The following GLRX2 variants were observed in gnomAD, a reference collection of about 807,000 sequenced individuals.
GLRX2 encodes the protein bA101E13.1 (GRX2 glutaredoxin (thioltransferase) 2).
In GLRX2, 12 loss-of-function variants were observed where a neutral mutation model predicts 16.4. That is an observed-to-expected ratio of 0.73 (90% CI 0.47 to 1.19). The LOEUF is 1.19. Ranked by LOEUF, GLRX2 falls within the 50% of genes most tolerant of loss-of-function variation. The pLI is 0.00. For missense variants in GLRX2, 201 were observed against 201.8 expected (o/e 1.00, Z 0.02); for synonymous variants, 95 against 76.2 (o/e 1.25, Z -1.28).
At position 193,105,367 on chromosome 1, in the gene GLRX2, CG is replaced by C; in HGVS notation, c.15del (p.Ala6ArgfsTer47). 6.5e-7 allele frequency: 1 copy of C among 1,546,466 alleles called. No homozygotes were observed. Among genetic ancestry groups the C allele is most frequent in the Non-Finnish European group, 8.6e-7 (1 of 1,156,942 alleles). The stretch of plus-strand genomic sequence containing the variant: ...ACCAGCCGCGTCCCCGCCAGCGCCG[CG>C]CGGCGCCAAATCATGGTCAGAGCCC... MIWR[R>X]AALAGTRLVW... On this transcript the variant is annotated frameshift_variant, in exon 1 of 4. Coordinates refer to ENST00000367439, the MANE Select transcript of GLRX2 (RefSeq NM_197962.3). LOFTEE classifies it high-confidence loss of function.
chr1:193,101,582 T>C (rs1009771090), intron 1 of GLRX2, among the ~76,000 whole-genome samples: 1 of 152,210 alleles, frequency 6.6e-6, no homozygotes, highest in Non-Finnish European at 1.5e-5. Context: ...CAAAACTCTA[T>C]GAACACACTG....
chr1:193,102,359 G>A (rs1675096438), intron 1 of GLRX2, among the ~76,000 whole-genome samples: 1 of 151,946 alleles, frequency 6.6e-6, no homozygotes, highest in South Asian at 2.1e-4. Context: ...TGAAATATTA[G>A]TCTTCTTTTT....
upstream of GLRX2, chr1:193,105,567 A>G (rs1325340812): frequency 1.9e-6 from 3 of 1,604,234 alleles, no homozygotes; most frequent in South Asian, 1.1e-5. Context: ...GCTGGATTCC[A>G]GCGAGTGCCA....
At position 193,101,109 on chromosome 1, in the gene GLRX2, A is replaced by G. The variant is rs776144616; in HGVS notation, c.183+32T>C. 23 of 1,441,418 alleles carry G rather than the reference A, an allele frequency of 1.6e-5. No homozygotes were observed. In the East Asian group the frequency reaches 4.5e-4, roughly 28 times the overall value. 89.3% of individuals were successfully genotyped at this position (1,441,418 alleles called of 1,614,324 possible). A position where few individuals can be genotyped will look rare whatever the true frequency, so the allele number is the denominator to read the frequency against. The stretch of plus-strand genomic sequence containing the variant: ...AGGGACAATTCTTTTTCTACAGAGG[A>G]AAGTTTTTCAATCATCTCCCACATC... On this transcript the variant is annotated intron_variant, in intron 2 of 3. Coordinates refer to ENST00000367439, the MANE Select transcript of GLRX2 (RefSeq NM_197962.3).
intron 3 of GLRX2, 100 bp downstream of exon 3, chr1:193,097,482 CAG>C (rs1674983108): frequency 2.4e-6 from 2 of 841,760 alleles, no homozygotes; most frequent in Non-Finnish European, 3.5e-6. Context: ...TATCTATCCT[CAG>C]AGAATGTCTG....
intron 2 of GLRX2, 114 bp from the exon 3 acceptor site, chr1:193,097,874 T>A: frequency 1.7e-6 from 1 of 579,750 alleles, no homozygotes; most frequent in Non-Finnish European, 2.8e-6. Flanking sequence ...GGGCTCAAAC[T>A]AAGCATCATC....
At chr1:193,104,581 G>C (rs532608465) in intron 1 of GLRX2, among the ~76,000 whole-genome samples, 11 of 152,364 alleles carry the variant, frequency 7.2e-5, no homozygotes, top group African/African-American at 2.6e-4. Context: ...GTGCGCAGTG[G>C]CAGGCGCGGA....
chr1:193,103,370 G>C (rs1261244939), intron 1 of GLRX2, among the ~76,000 whole-genome samples: 3 of 152,182 alleles, frequency 2.0e-5, no homozygotes, highest in South Asian at 2.1e-4. Flanking sequence ...AACAGAAAAA[G>C]TGTTCCAACT....
At chr1:193,097,511 C>T in intron 3 of GLRX2, 73 bp downstream of exon 3, 3 of 1,173,994 alleles carry the variant, frequency 2.6e-6, no homozygotes, top group East Asian at 5.5e-5. Context: ...TTTCCTAACA[C>T]AAGGTTCTAG....
intron 1 of GLRX2, among the ~76,000 whole-genome samples, chr1:193,102,356 T>C (rs1332864998): frequency 1.3e-5 from 2 of 152,118 alleles, no homozygotes; most frequent in South Asian, 2.1e-4. Context: ...GCATGAAATA[T>C]TAGTCTTCTT....
Position 193,101,163 on chromosome 1 carries a change from G to A in GLRX2, c.161C>T (p.Thr54Met), listed in dbSNP as rs535022976. The A allele has an allele frequency of 1.7e-5, 28 of 1,611,108 alleles. No individual in the cohort carries two copies. Among genetic ancestry groups the A allele is most frequent in the East Asian group, 1.3e-4 (6 of 44,868 alleles). ...NTSSSLENLA[T>M]APVNQIQETI... ...CACTTGGATCTGGTTCACAGGCGCC[G>A]TCGCTAAATTCTCCAAAGATGATGA... is the stretch of plus-strand genomic sequence containing the variant. Residue 54 changes from threonine to methionine, a missense_variant, in exon 2 of 4, where the codon ACG becomes ATG. Physicochemically the swap from Thr to Met is moderately conservative, Grantham distance 81. Transcript: ENST00000367439.
At chr1:193,096,821 C>T in intron 3 of GLRX2, 62 bp from the exon 4 acceptor site, 8 of 1,274,996 alleles carry the variant, frequency 6.3e-6, no homozygotes, top group Non-Finnish European at 8.7e-6. Flanking sequence ...GATCATTTCA[C>T]ATAATAACGA....
intron 1 of GLRX2, among the ~76,000 whole-genome samples, chr1:193,103,431 A>G (rs908100024): frequency 1.3e-5 from 2 of 152,246 alleles, no homozygotes; most frequent in African/African-American, 4.8e-5. Flanking sequence ...AAGATTCAGC[A>G]AGGGATTCCT....
chr1:193,101,355 A>C, intron 1 of GLRX2, 151 bp from the exon 2 acceptor site: 1 of 613,272 alleles, frequency 1.6e-6, no homozygotes, highest in Non-Finnish European at 2.9e-6. Flanking sequence ...CAAAATGTCA[A>C]TATACAAAGT....
intron 3 of GLRX2, 86 bp from the exon 4 acceptor site, chr1:193,096,845 T>C: frequency 9.7e-7 from 1 of 1,033,020 alleles, no homozygotes; most frequent in Non-Finnish European, 1.4e-6. Flanking sequence ...ATTTGAACTC[T>C]GGGTACTTTT....
Position 193,096,587 on chromosome 1 carries a change from T to C in GLRX2, c.*38A>G. On this transcript the variant is annotated 3_prime_UTR_variant, in exon 4 of 4. Transcript: ENST00000367439. ...CATTATCGGGCATTACCACTTTAAA[T>C]AACTGACACTGTACTAGCAAACTTA... 1 of 1,273,524 alleles carries C rather than the reference T, an allele frequency of 7.9e-7. No individual in the cohort carries two copies. The highest frequency in any genetic ancestry group is 2.1e-5 in the Admixed American group (1 of 47,716). The allele number at this position is 1,273,524 out of a possible 1,614,324, so 78.9% of individuals were successfully genotyped here. A position where few individuals can be genotyped will look rare whatever the true frequency, so the allele number is the denominator to read the frequency against.
At position 193,105,214 on chromosome 1, in the gene GLRX2, CG is replaced by C. The variant is rs778104578; in HGVS notation, c.119+49del. ...CCGCCCACCGCTTTCTCCAGACCCC[CG>C]CAAGGCCTGCGCACCACGCCGCGGC... On this transcript the variant is annotated intron_variant, in intron 1 of 3. Transcript: ENST00000367439. The C allele has an allele frequency of 1.7e-5, 26 of 1,517,736 alleles. No homozygotes were observed. The Admixed American group carries it at 3.1e-4, about 18-fold the overall frequency. The allele number at this position is 1,517,736 out of a possible 1,614,324, so 94.0% of individuals were successfully genotyped here.
Position 193,096,593 on chromosome 1 carries a change from A to G in GLRX2, c.*32T>C, listed in dbSNP as rs774500615. 7.4e-7 allele frequency: 1 copy of G among 1,347,712 alleles called. No individual in the cohort carries two copies. Among genetic ancestry groups the G allele is most frequent in the South Asian group, 1.3e-5 (1 of 78,010 alleles). 83.5% of individuals were successfully genotyped at this position (1,347,712 alleles called of 1,614,324 possible). ...CGGGCATTACCACTTTAAATAACTG[A>G]CACTGTACTAGCAAACTTATTAGTA... On this transcript the variant is annotated 3_prime_UTR_variant, in exon 4 of 4. Transcript: ENST00000367439.
chr1:193,105,327 C>T lies in GLRX2; in HGVS notation c.56G>A (p.Gly19Asp). 1.9e-6 allele frequency: 3 copies of T among 1,546,132 alleles called. No homozygotes were observed. Among genetic ancestry groups the T allele is most frequent in the Non-Finnish European group, 8.7e-7 (1 of 1,155,902 alleles). ...AGTRLVWSRSGSAGWLDRAAG... is the reference protein window; with the variant it reads ...AGTRLVWSRSDSAGWLDRAAG... Reference sequence around the variant, plus strand: ...CGCCCTGTCAAGCCAGCCTGCCGAGCCGCTCCTGCTCCAAACCAGCCGCGT... The same window carrying T: ...CGCCCTGTCAAGCCAGCCTGCCGAGTCGCTCCTGCTCCAAACCAGCCGCGT... Residue 19 changes from glycine to aspartate, a missense_variant, in exon 1 of 4, where the codon GGC (glycine) becomes GAC (aspartate). Gly to Asp is a moderately conservative substitution (Grantham distance 94). Coordinates refer to ENST00000367439, the MANE Select transcript of GLRX2 (RefSeq NM_197962.3).
Sources: allele counts gnomAD v4.1 joint callset (sites outside exome capture counted in the v4.1 genomes callset), GRCh38; gene constraint gnomAD v4.1.1; transcripts MANE v1.5; gene names NCBI Gene and HGNC (gene_info 2026-07-23, HGNC 2026-07-21).